Variants in SYNPR observed in about 807,000 individuals in gnomAD.
SYNPR encodes the protein synaptoporin.
Under a neutral mutation model 32.9 loss-of-function variants are expected in SYNPR, and 23 were observed. The observed-to-expected ratio is 0.70, with a 90% CI of 0.50 to 0.99. The LOEUF (loss-of-function observed/expected upper bound fraction) is 0.99, where lower values mean the gene tolerates loss of function less well. Ranked by LOEUF, SYNPR falls within the 50% of genes least tolerant of loss-of-function variation. The pLI is 0.00. For synonymous variants in SYNPR, 146 were observed against 135.9 expected, an observed-to-expected ratio of 1.07 and a Z score of -0.52; for missense variants, 318 against 349.3, an observed-to-expected ratio of 0.91 and a Z score of 0.71.
upstream of SYNPR, among the ~76,000 whole-genome samples, chr3:63,277,346 GGTT>G (rs1447201440): frequency 1.3e-5 from 2 of 152,108 alleles, no homozygotes; most frequent in Admixed American, 6.5e-5. Context: ...TCACTTGTTT[GGTT>G]GTTGTTGTTT....
At chr3:63,347,875 TTGTGTGTGTGTG>T (rs10597535) in intron 2 of SYNPR, among the ~76,000 whole-genome samples, 6,037 of 144,470 alleles carry the variant, frequency 0.042, 334 homozygotes, top group African/African-American at 0.13. Flanking sequence ...TAGTATTCCA[TTGTGTGTGTGTG>T]TGTGTGTGTG....
At chr3:63,588,117 G>GT (rs1446804931) in intron 4 of SYNPR, among the ~76,000 whole-genome samples, 4 of 151,872 alleles carry the variant, frequency 2.6e-5, no homozygotes, top group Non-Finnish European at 2.9e-5. Context: ...TGTGTTATCT[G>GT]TTTTTTAAAA....
At chr3:63,588,833 A>C (rs928445433) in intron 4 of SYNPR, among the ~76,000 whole-genome samples, 2 of 151,958 alleles carry the variant, frequency 1.3e-5, no homozygotes, top group Non-Finnish European at 2.9e-5. Context: ...TCCACCCCAA[A>C]CCTCTTTACC....
chr3:63,214,102 T>C, the SYNPR span, among the ~76,000 whole-genome samples: 43 of 46,360 alleles, frequency 9.3e-4, 5 homozygotes, highest in Non-Finnish European at 1.7e-3. Context: ...CTGCTGGATT[T>C]GGTTTGCCAG....
chr3:63,535,282 T>C (rs1462608333), intron 3 of SYNPR, among the ~76,000 whole-genome samples: 8 of 152,256 alleles, frequency 5.3e-5, no homozygotes, highest in South Asian at 2.1e-4. Flanking sequence ...GGAATTTATA[T>C]TGTGATACTA....
At chr3:63,501,189 T>G (rs547226298) in intron 3 of SYNPR, among the ~76,000 whole-genome samples, 91 of 151,988 alleles carry the variant, frequency 6.0e-4, no homozygotes, top group Non-Finnish European at 9.9e-4. Context: ...ATTATGAAAA[T>G]TAAATGAGGC....
chr3:63,594,896 T>C (rs1699906183), intron 4 of SYNPR, among the ~76,000 whole-genome samples: 1 of 152,172 alleles, frequency 6.6e-6, no homozygotes, highest in South Asian at 2.1e-4. Context: ...ATAGGCAGCC[T>C]GGTCTTCTGT....
chr3:63,280,745 T>C (rs958849141), intron 2 of SYNPR, among the ~76,000 whole-genome samples: 35 of 151,448 alleles, frequency 2.3e-4, no homozygotes, highest in South Asian at 1.5e-3. Context: ...TGTGTGTGTG[T>C]GCACAGGTGA....
chr3:63,572,510 T>A (rs1702904838), intron 4 of SYNPR, among the ~76,000 whole-genome samples: 1 of 152,148 alleles, frequency 6.6e-6, no homozygotes, highest in Admixed American at 6.6e-5. Context: ...TTAAAGTTTA[T>A]CTCTCCAAAA....
intron 2 of SYNPR, among the ~76,000 whole-genome samples, chr3:63,280,776 A>C (rs996198715): frequency 6.6e-6 from 1 of 151,912 alleles, no homozygotes; most frequent in African/African-American, 2.4e-5. Context: ...TGAGAGAAAG[A>C]GTGAAATAGA....
chr3:63,438,078 C>G (rs1256309197), intron 2 of SYNPR, among the ~76,000 whole-genome samples: 1 of 152,156 alleles, frequency 6.6e-6, no homozygotes. Context: ...ATTGCTTGGC[C>G]GCTCTGTGCT....
chr3:63,443,010 C>A, intron 2 of SYNPR: 1 of 994,062 alleles, frequency 1.0e-6, no homozygotes, highest in Non-Finnish European at 1.2e-6. Context: ...ACTGTGCTTG[C>A]AGGAGGAGGG....
At chr3:63,596,089 C>T (rs1699955369) in intron 4 of SYNPR, among the ~76,000 whole-genome samples, 1 of 149,304 alleles carries the variant, frequency 6.7e-6, no homozygotes, top group Non-Finnish European at 1.5e-5. Context: ...TGGTGTGTTG[C>T]ACCCATTAAC....
chr3:63,318,529 T>C (rs2087070131), intron 2 of SYNPR, among the ~76,000 whole-genome samples: 1 of 152,030 alleles, frequency 6.6e-6, no homozygotes, highest in African/African-American at 2.4e-5. Flanking sequence ...TTCTCTCTTC[T>C]GTTTGTTCAG....
intron 2 of SYNPR, among the ~76,000 whole-genome samples, chr3:63,455,955 A>G (rs1287333881): frequency 6.6e-6 from 1 of 152,092 alleles, no homozygotes; most frequent in East Asian, 1.9e-4. Flanking sequence ...TGCAAAAGAA[A>G]GAGGTTTAAT....
chr3:63,344,044 G>A (rs2107006791), intron 2 of SYNPR, among the ~76,000 whole-genome samples: 2 of 152,344 alleles, frequency 1.3e-5, no homozygotes, highest in South Asian at 2.1e-4. Context: ...GCTGTTCAGA[G>A]GCGGTTCATT....
intron 3 of SYNPR, among the ~76,000 whole-genome samples, chr3:63,551,556 C>T (rs1702499987): frequency 6.6e-6 from 1 of 152,192 alleles, no homozygotes; most frequent in East Asian, 1.9e-4. Flanking sequence ...ATGAAAGTTC[C>T]AATTTCTCTG....
Position 63,442,164 on chromosome 3 carries a change from AGTGTGT to A in SYNPR, c.85-38650_85-38645del, listed in dbSNP as rs34163380. Reference sequence around the variant, plus strand: ...GTGGTGGCTATGATATGGTAGTGATAGTGTGTGTGTGTGTGTGTGTGTGCACGCATG... The same window carrying A: ...GTGGTGGCTATGATATGGTAGTGATAGTGTGTGTGTGTGTGTGCACGCATG... On this transcript the variant is annotated intron_variant, in intron 2 of 5. Coordinates refer to ENST00000478300, the MANE Select transcript of SYNPR (RefSeq NM_001130003.2). Among the ~76,000 whole-genome samples, 11 of 148,434 alleles carry A rather than the reference AGTGTGT, an allele frequency of 7.4e-5. 1 individual carries two copies. The highest frequency in any genetic ancestry group is 1.0e-4 in the African/African-American group (4 of 39,992).
rs187670377 is a variant in SYNPR, at chr3:63,548,756, G to A, written c.210-7787G>A. 3.6e-4 allele frequency among the ~76,000 whole-genome samples: 55 copies of A among 152,204 alleles called. No individual in the cohort carries two copies. In the Middle Eastern group the frequency reaches 0.017, roughly 47 times the overall value. On this transcript the variant is annotated intron_variant, in intron 3 of 5. Coordinates refer to ENST00000478300, the MANE Select transcript of SYNPR (RefSeq NM_001130003.2). ...CTCTGATCTTGAATTCCAGCTACCA[G>A]AAATTCAATGACAGCAGCCTGCTCC... is the stretch of plus-strand genomic sequence containing the variant.
Sources: allele counts gnomAD v4.1 joint callset (sites outside exome capture counted in the v4.1 genomes callset), GRCh38; gene constraint gnomAD v4.1.1; transcripts MANE v1.5; gene names NCBI Gene and HGNC (gene_info 2026-07-23, HGNC 2026-07-21).